Variants in CTNNA3 observed in about 807,000 individuals in gnomAD.
CTNNA3 encodes the protein catenin alpha-3.
A neutral mutation model predicts 95.7 loss-of-function variants in CTNNA3; 76 were observed. The observed-to-expected ratio is 0.79, with a 90% CI of 0.66 to 0.96. The LOEUF is 0.96. Among genes scored for constraint, CTNNA3 ranks in the 40% least tolerant of loss-of-function variants. CTNNA3 has a pLI of 0.00. For missense variants in CTNNA3, 1,191 were observed against 1,089.8 expected, an observed-to-expected ratio of 1.09 and a Z score of -1.31; for synonymous variants, 431 against 374.4, an observed-to-expected ratio of 1.15 and a Z score of -1.74.
At chr10:66,664,889 T>TAAAAAAAAAAAAAAAAAAAA in intron 9 of CTNNA3, among the ~76,000 whole-genome samples, 1 of 134,522 alleles carries the variant, frequency 7.4e-6, no homozygotes, top group Non-Finnish European at 1.6e-5. Context: ...CTGAAAAAAT[T>TAAAAAAAAAAAAAAAAAAAA]AAAAAAAAAA....
intron 7 of CTNNA3, among the ~76,000 whole-genome samples, chr10:66,792,361 G>T (rs1479386482): frequency 3.3e-5 from 5 of 152,014 alleles, no homozygotes; most frequent in Non-Finnish European, 5.9e-5. Context: ...GTGTCCTAGA[G>T]TATTATTTCT....
At chr10:67,606,202 A>T (rs1843267247) in intron 3 of CTNNA3, among the ~76,000 whole-genome samples, 1 of 152,188 alleles carries the variant, frequency 6.6e-6, no homozygotes, top group Non-Finnish European at 1.5e-5. Flanking sequence ...GCTGATATAT[A>T]CGAAATCATT....
chr10:67,158,914 A>C (rs1018273054), intron 7 of CTNNA3, among the ~76,000 whole-genome samples: 1 of 152,034 alleles, frequency 6.6e-6, no homozygotes. Flanking sequence ...GGGGGAAAGG[A>C]GGGAAGAGAG....
At chr10:66,471,060 A>T (rs1443504249) in intron 11 of CTNNA3, among the ~76,000 whole-genome samples, 2 of 152,012 alleles carry the variant, frequency 1.3e-5, no homozygotes, top group Admixed American at 6.6e-5. Context: ...GCTAATAATG[A>T]TAAATTCTGG....
chr10:65,995,385 T>A (rs2133347633), intron 15 of CTNNA3, among the ~76,000 whole-genome samples: 1 of 152,344 alleles, frequency 6.6e-6, no homozygotes, highest in Non-Finnish European at 1.5e-5. Context: ...CATGCAGTAA[T>A]GTAGCCTCCA....
At chr10:67,192,982 G>C (rs1863187229) in intron 6 of CTNNA3, among the ~76,000 whole-genome samples, 1 of 151,964 alleles carries the variant, frequency 6.6e-6, no homozygotes, top group Non-Finnish European at 1.5e-5. Flanking sequence ...AGGGCATTTT[G>C]CTAAGTGAAA....
At chr10:66,982,154 C>G (rs528839300) in intron 7 of CTNNA3, among the ~76,000 whole-genome samples, 1 of 152,302 alleles carries the variant, frequency 6.6e-6, no homozygotes, top group East Asian at 1.9e-4. Context: ...CATTTGCATT[C>G]TGGCAGTTTG....
rs535061520 is a variant in CTNNA3 at position 67,532,962 on chromosome 10, G to A, written c.459+6541C>T. Among the ~76,000 whole-genome samples the A allele has an allele frequency of 3.3e-5, 5 of 152,168 alleles. No homozygotes were observed. In the South Asian group the frequency reaches 8.3e-4, roughly 25 times the overall value. Reference sequence around the variant, plus strand: ...GCCAAAAGCCATGTTTTCTTCCCACGATGTCCTGACCCAGTAAGCAGAAGC... The same window carrying A: ...GCCAAAAGCCATGTTTTCTTCCCACAATGTCCTGACCCAGTAAGCAGAAGC... On this transcript the variant is annotated intron_variant, in intron 4 of 17. Coordinates refer to ENST00000433211, the MANE Select transcript of CTNNA3 (RefSeq NM_013266.4).
chr10:66,876,147 A>G (rs1361113015), intron 7 of CTNNA3, among the ~76,000 whole-genome samples: 1 of 152,168 alleles, frequency 6.6e-6, no homozygotes, highest in Non-Finnish European at 1.5e-5. Context: ...TCTTCAGGGA[A>G]AGATCTGATA....
chr10:66,840,352 TCTCTCTCTCTCTCTCTCTCTCACA>T (rs1564716058), intron 7 of CTNNA3, among the ~76,000 whole-genome samples: 7 of 123,122 alleles, frequency 5.7e-5, no homozygotes, highest in African/African-American at 2.8e-4. Flanking sequence ...TCTCTCTCTC[TCTCTCTCTCTCTCTCTCTCTCACA>T]CACACACACA....
At chr10:67,178,589 T>C (rs999189582) in intron 7 of CTNNA3, among the ~76,000 whole-genome samples, 1 of 152,108 alleles carries the variant, frequency 6.6e-6, no homozygotes, top group South Asian at 2.1e-4. Context: ...ACCTTACCTA[T>C]GTATGTGGGT....
chr10:65,920,767 A>G, intron 17 of CTNNA3, 150 bp from the exon 18 acceptor site: 2 of 735,472 alleles, frequency 2.7e-6, no homozygotes, highest in Non-Finnish European at 4.4e-6. Context: ...CAAAGGTTGC[A>G]GTGAGCCAAG....
At chr10:65,930,169 C>T (rs2077228009) in intron 17 of CTNNA3, among the ~76,000 whole-genome samples, 2 of 132,968 alleles carry the variant, frequency 1.5e-5, no homozygotes, top group Admixed American at 1.6e-4. Flanking sequence ...AATCACAATC[C>T]TTTTGGTGAG....
chr10:67,099,783 T>G (rs1256086883), intron 7 of CTNNA3: 2 of 152,088 alleles, frequency 1.3e-5, no homozygotes, highest in African/African-American at 2.4e-5. Flanking sequence ...TTCAAAAATT[T>G]TTGTCATTTT....
chr10:67,241,519 T>G (rs1308464865), intron 5 of CTNNA3, among the ~76,000 whole-genome samples: 1 of 152,142 alleles, frequency 6.6e-6, no homozygotes, highest in Non-Finnish European at 1.5e-5. Flanking sequence ...CAAAAATCAA[T>G]AAATATTTTT....
rs12252528 is a variant in CTNNA3 at position 66,608,402 on chromosome 10, C to T, written c.1374+13290G>A. Among the ~76,000 whole-genome samples, 1,150 of 152,104 alleles carry T rather than the reference C, an allele frequency of 7.6e-3. 19 individuals are homozygous for T. The highest frequency in any genetic ancestry group is 0.026 in the African/African-American group (1,093 of 41,480). On this transcript the variant is annotated intron_variant, in intron 10 of 17. Coordinates refer to ENST00000433211, the MANE Select transcript of CTNNA3 (RefSeq NM_013266.4). ...GCAATTTATAGATTCAATGCTATTCCTATTAAACTACCAATGACACTCTTC... is the reference window on the plus strand; with the variant it reads ...GCAATTTATAGATTCAATGCTATTCTTATTAAACTACCAATGACACTCTTC...
chr10:66,557,442 T>C (rs1274831620), intron 10 of CTNNA3, among the ~76,000 whole-genome samples: 1 of 152,122 alleles, frequency 6.6e-6, no homozygotes, highest in African/African-American at 2.4e-5. Flanking sequence ...AACACAAAAA[T>C]TGGTATATAC....
chr10:67,115,480 A>C (rs1290090880), intron 7 of CTNNA3, among the ~76,000 whole-genome samples: 2 of 151,670 alleles, frequency 1.3e-5, no homozygotes, highest in African/African-American at 4.8e-5. Context: ...CTAAAACTTA[A>C]AGTATAATAA....
At chr10:67,306,713 C>T (rs1457007299) in intron 5 of CTNNA3, among the ~76,000 whole-genome samples, 1 of 152,132 alleles carries the variant, frequency 6.6e-6, no homozygotes, top group Non-Finnish European at 1.5e-5. Flanking sequence ...CCCAGATCAT[C>T]ACACTGCATT....
Sources: allele counts gnomAD v4.1 joint callset (sites outside exome capture counted in the v4.1 genomes callset), GRCh38; gene constraint gnomAD v4.1.1; transcripts MANE v1.5; gene names NCBI Gene and HGNC (gene_info 2026-07-23, HGNC 2026-07-21).